TENM3: variants seen among roughly 807,000 people sequenced by gnomAD.
The protein encoded by TENM3 is teneurin transmembrane protein 3.
TENM3 carries 63 observed loss-of-function variants against 255.1 expected under a neutral mutation model. That is an observed-to-expected ratio of 0.25 (90% CI 0.20 to 0.30). The LOEUF (loss-of-function observed/expected upper bound fraction) is 0.30, where lower values mean the gene tolerates loss of function less well. TENM3 is among the 10% of genes least tolerant of loss of function. TENM3 has a pLI of 1.00. For synonymous variants in TENM3, 1,306 were observed against 1,322.3 expected (o/e 0.99, Z 0.27); for missense variants, 2,929 against 3,461.1 (o/e 0.85, Z 3.86).
At chr4:182,187,172 A>G (rs1028112735) in intron 1 of TENM3, among the ~76,000 whole-genome samples, 13 of 152,166 alleles carry the variant, frequency 8.5e-5, no homozygotes, top group Non-Finnish European at 1.3e-4. Context: ...CTGGGTATTT[A>G]AAGTATAAAC....
chr4:182,286,038 C>T (rs1182982792), intron 1 of TENM3, among the ~76,000 whole-genome samples: 2 of 152,224 alleles, frequency 1.3e-5, no homozygotes, highest in East Asian at 1.9e-4. Context: ...GGAGATCCAT[C>T]GTGGCTTGAA....
the TENM3 span, among the ~76,000 whole-genome samples, chr4:182,094,753 A>G: frequency 2.0e-5 from 3 of 152,190 alleles, no homozygotes; most frequent in African/African-American, 4.8e-5. Flanking sequence ...AACCTAAGAC[A>G]TTAAGGTAAT....
chr4:182,321,121 A>G (rs1763021880), intron 1 of TENM3, among the ~76,000 whole-genome samples: 1 of 152,124 alleles, frequency 6.6e-6, no homozygotes. Flanking sequence ...TTTTCGGTCT[A>G]TAGGGCCCTC....
At chr4:182,212,844 T>C (rs1755146817) in intron 1 of TENM3, among the ~76,000 whole-genome samples, 1 of 152,246 alleles carries the variant, frequency 6.6e-6, no homozygotes, top group Non-Finnish European at 1.5e-5. Context: ...TCTGTCATTG[T>C]CTTGGGTGAC....
chr4:182,405,052 A>G (rs1385579941), intron 3 of TENM3, among the ~76,000 whole-genome samples: 1 of 152,142 alleles, frequency 6.6e-6, no homozygotes, highest in Non-Finnish European at 1.5e-5. Context: ...CTAGCTTCTT[A>G]CCTGGCTTTT....
the TENM3 span, among the ~76,000 whole-genome samples, chr4:181,546,506 G>A: frequency 6.6e-6 from 1 of 151,190 alleles, no homozygotes. Context: ...ACGAGGTCAG[G>A]AGATCGAGAC....
chr4:182,543,208 A>T (rs1321760386), intron 3 of TENM3, among the ~76,000 whole-genome samples: 1 of 140,414 alleles, frequency 7.1e-6, no homozygotes, highest in Non-Finnish European at 1.6e-5. Context: ...GATGGATGCA[A>T]GGATGGAGGG....
At chr4:182,287,432 T>C (rs1760801973) in intron 1 of TENM3, among the ~76,000 whole-genome samples, 1 of 152,122 alleles carries the variant, frequency 6.6e-6, no homozygotes, top group African/African-American at 2.4e-5. Flanking sequence ...AAATGCCCTT[T>C]CACCAGACCC....
chr4:182,730,235 C>T lies in TENM3; in HGVS notation c.2621C>T (p.Ala874Val), dbSNP rs1760580873. 1.2e-6 allele frequency: 2 copies of T among 1,613,866 alleles called. No individual in the cohort carries two copies. The highest frequency in any genetic ancestry group is 8.5e-7 in the Non-Finnish European group (1 of 1,179,810). The change falls in exon 15 of 28, where the codon GCT becomes GTT. Residue 874 changes from alanine (A) to valine (V), a missense_variant. Physicochemically the swap from Ala to Val is moderately conservative, Grantham distance 64 (BLOSUM62 0). Coordinates refer to ENST00000511685, the MANE Select transcript of TENM3 (RefSeq NM_001080477.4). Reference sequence around the variant, plus strand: ...GTCATCAGAGGCCAAGTACTGACTGCTGATGGAACTCCACTTATTGGAGTA... The same window carrying T: ...GTCATCAGAGGCCAAGTACTGACTGTTGATGGAACTCCACTTATTGGAGTA... ...ASVIRGQVLTADGTPLIGVNV... is the reference protein window; with the variant it reads ...ASVIRGQVLTVDGTPLIGVNV...
intron 1 of TENM3, among the ~76,000 whole-genome samples, chr4:182,298,085 T>G (rs1052484315): frequency 1.3e-5 from 2 of 152,228 alleles, no homozygotes; most frequent in Admixed American, 6.5e-5. Flanking sequence ...TCCCGGCACA[T>G]GTACTCATCT....
At chr4:181,939,727 G>T in the TENM3 span, among the ~76,000 whole-genome samples, 5 of 152,216 alleles carry the variant, frequency 3.3e-5, no homozygotes, top group East Asian at 1.9e-4. Context: ...TCAGCACATG[G>T]CAGGGGCCAG....
intron 3 of TENM3, among the ~76,000 whole-genome samples, chr4:182,480,753 C>T (rs967888): frequency 0.28 from 42,166 of 151,640 alleles, 7,055 homozygotes; most frequent in East Asian, 0.49. Context: ...TTTTCTTAGG[C>T]TTCTTGTATT....
At chr4:182,007,545 C>T in the TENM3 span, among the ~76,000 whole-genome samples, 288 of 152,198 alleles carry the variant, frequency 1.9e-3, 2 homozygotes, top group Non-Finnish European at 2.5e-3. Context: ...AGGATTGCAA[C>T]CCCTGCTTTA....
intron 1 of TENM3, among the ~76,000 whole-genome samples, chr4:182,207,542 C>T (rs949227075): frequency 2.0e-5 from 3 of 152,118 alleles, no homozygotes; most frequent in African/African-American, 7.2e-5. Flanking sequence ...CTGATGCTCC[C>T]CCTGCTTTTT....
At chr4:181,911,404 C>T in the TENM3 span, among the ~76,000 whole-genome samples, 1 of 152,100 alleles carries the variant, frequency 6.6e-6, no homozygotes, top group Non-Finnish European at 1.5e-5. Flanking sequence ...TTTGGAGTTA[C>T]AATAAAGCCA....
At chr4:181,871,153 A>C in the TENM3 span, among the ~76,000 whole-genome samples, 1 of 151,862 alleles carries the variant, frequency 6.6e-6, no homozygotes, top group African/African-American at 2.4e-5. Context: ...CACTAAGAAC[A>C]CTGTAGTCTT....
At chr4:181,648,937 G>GAA in the TENM3 span, among the ~76,000 whole-genome samples, 1 of 152,208 alleles carries the variant, frequency 6.6e-6, no homozygotes, top group Non-Finnish European at 1.5e-5. Context: ...AAACAACTGA[G>GAA]AAACTCTACT....
chr4:182,799,545 G>T lies in TENM3; in HGVS notation c.7345-51G>T, dbSNP rs1766746767. ...GAGTCCCGTGTGTGGGTCAGGAGTG[G>T]GGAGGCTCCCGGCCGCCTCTGACGC... On this transcript the variant is annotated intron_variant, in intron 27 of 27. Transcript: ENST00000511685. This position sits in a 1 kb window ranked among gnomAD's most constrained non-coding sequence, Gnocchi z 4.2. 30 of 1,519,600 alleles carry T rather than the reference G, an allele frequency of 2.0e-5. No individual in the cohort carries two copies. The East Asian group carries it at 7.4e-4, about 37-fold the overall frequency. 94.1% of individuals were successfully genotyped at this position (1,519,600 alleles called of 1,614,324 possible).
At chr4:181,725,073 C>A in the TENM3 span, among the ~76,000 whole-genome samples, 1 of 152,144 alleles carries the variant, frequency 6.6e-6, no homozygotes, top group South Asian at 2.1e-4. Flanking sequence ...AGAGAGTAAA[C>A]CTCTAGACTC....
Sources: allele counts gnomAD v4.1 joint callset (sites outside exome capture counted in the v4.1 genomes callset), GRCh38; gene constraint gnomAD v4.1.1; non-coding constraint Gnocchi (gnomAD v3.1); transcripts MANE v1.5; gene names NCBI Gene and HGNC (gene_info 2026-07-23, HGNC 2026-07-21).